The following COG5 variants were observed in gnomAD, a reference collection of about 807,000 sequenced individuals.
The protein encoded by COG5 is component of oligomeric golgi complex 5.
COG5 carries 86 observed loss-of-function variants against 110.4 expected under a neutral mutation model. The ratio of observed to expected loss-of-function variants is 0.78; its 90% CI spans 0.65 to 0.93. The LOEUF (loss-of-function observed/expected upper bound fraction) is 0.93, where lower values mean the gene tolerates loss of function less well. Among genes scored for constraint, COG5 ranks in the 40% least tolerant of loss-of-function variants. The pLI is 0.00. For synonymous variants in COG5, 360 were observed against 334.6 expected (o/e 1.08, Z -0.83); for missense variants, 1,077 against 987.0 (o/e 1.09, Z -1.22).
chr7:107,278,728 A>G (rs1804909246), intron 14 of COG5, among the ~76,000 whole-genome samples: 1 of 152,204 alleles, frequency 6.6e-6, no homozygotes, highest in African/African-American at 2.4e-5. Flanking sequence ...AAAACTGGCT[A>G]ACCATATGCA....
At chr7:107,257,539 GA>G (rs1802977383) in intron 15 of COG5, among the ~76,000 whole-genome samples, 1 of 151,946 alleles carries the variant, frequency 6.6e-6, no homozygotes, top group African/African-American at 2.4e-5. Flanking sequence ...AAGTTTTCAA[GA>G]ACATCATTTA....
At chr7:107,555,508 G>GT (rs1384839850) in intron 2 of COG5, among the ~76,000 whole-genome samples, 1 of 152,076 alleles carries the variant, frequency 6.6e-6, no homozygotes, top group Admixed American at 6.5e-5. Context: ...TCTTTTATTC[G>GT]TAAGGTTGCC....
intron 8 of COG5, among the ~76,000 whole-genome samples, chr7:107,371,783 G>A (rs1265373923): frequency 2.6e-5 from 4 of 152,122 alleles, no homozygotes; most frequent in African/African-American, 7.2e-5. Context: ...TGTCAACCTG[G>A]TAGAAAGAAG....
Position 107,390,288 on chromosome 7 carries a change from C to A in COG5, c.670-17528G>T, listed in dbSNP as rs187121341. ...TGTGGCATCTATTACTGAATCAGTACAAACAGCTGCTTTTGTAGGTAATCT... is the reference window on the plus strand; with the variant it reads ...TGTGGCATCTATTACTGAATCAGTAAAAACAGCTGCTTTTGTAGGTAATCT... On this transcript the variant is annotated intron_variant, in intron 7 of 21. Coordinates refer to ENST00000297135, the MANE Select transcript of COG5 (RefSeq NM_006348.5). Among the ~76,000 whole-genome samples the A allele has an allele frequency of 2.0e-3, 300 of 152,220 alleles. 2 individuals are homozygous for A. Among genetic ancestry groups the A allele is most frequent in the African/African-American group, 6.8e-3 (283 of 41,542 alleles).
chr7:107,327,548 A>G (rs1687640121), intron 10 of COG5, among the ~76,000 whole-genome samples: 1 of 152,200 alleles, frequency 6.6e-6, no homozygotes, highest in Non-Finnish European at 1.5e-5. Context: ...CATATATCTA[A>G]TAAGGAGTTA....
rs570439561 is a variant in COG5, at chr7:107,349,741, T to C, written c.1026+12292A>G. On this transcript the variant is annotated intron_variant, in intron 10 of 21. Transcript: ENST00000297135. ...CCCGGCTAATTTTTTGTATTTTCAGTAGACACGGGGGTTTCACTGTGTTAG... is the reference window on the plus strand; with the variant it reads ...CCCGGCTAATTTTTTGTATTTTCAGCAGACACGGGGGTTTCACTGTGTTAG... Among the ~76,000 whole-genome samples, 552 of 152,184 alleles carry C rather than the reference T, an allele frequency of 3.6e-3. 3 individuals carry two copies. The highest frequency in any genetic ancestry group is 6.8e-3 in the Middle Eastern group (2 of 294).
At chr7:107,508,070 C>G (rs1799166991) in intron 6 of COG5, among the ~76,000 whole-genome samples, 1 of 152,260 alleles carries the variant, frequency 6.6e-6, no homozygotes, top group Non-Finnish European at 1.5e-5. Context: ...CGAGCCGAAG[C>G]AGGGCGAGGC....
intron 6 of COG5, among the ~76,000 whole-genome samples, chr7:107,498,971 A>C (rs926789501): frequency 6.6e-6 from 1 of 152,200 alleles, no homozygotes; most frequent in Non-Finnish European, 1.5e-5. Context: ...CGACTTAAAC[A>C]AGAAAGAAAT....
In COG5 at chr7:107,558,051, A is replaced by T. The variant is rs368148545; in HGVS notation, c.159T>A (p.His53Gln). The change falls in exon 2 of 22, where the codon CAT becomes CAA. Residue 53 changes from histidine (H) to glutamine (Q), a missense_variant. Physicochemically the swap from His to Gln is conservative, Grantham distance 24. Transcript: ENST00000297135. Reference sequence around the variant, plus strand: ...CTAGTTGTTCAGCAATTACAGCTTGATGAATAGATTGAGAAGTATAAGTCT... The same window carrying T: ...CTAGTTGTTCAGCAATTACAGCTTGTTGAATAGATTGAGAAGTATAAGTCT... ...DVKTYTSQSI[H>Q]QAVIAEQLAK... 1 of 1,613,884 alleles carries T rather than the reference A, an allele frequency of 6.2e-7. No homozygotes were observed. The highest frequency in any genetic ancestry group is 1.6e-4 in the Middle Eastern group (1 of 6,062).
rs536813809 is a variant in COG5, at chr7:107,412,385, T to C, written c.669+117A>G. On this transcript the variant is annotated intron_variant, in intron 7 of 21. Coordinates refer to ENST00000297135, the MANE Select transcript of COG5 (RefSeq NM_006348.5). ...CATTCTTTGATTTAAATTGTAGACATACTTTCTCAGTGATATATTACTATA... is the reference window on the plus strand; with the variant it reads ...CATTCTTTGATTTAAATTGTAGACACACTTTCTCAGTGATATATTACTATA... 4.4e-5 allele frequency: 40 copies of C among 911,556 alleles called. No individual in the cohort carries two copies. The African/African-American group carries it at 5.9e-4, about 13-fold the overall frequency. The allele number at this position is 911,556 out of a possible 1,614,324, so 56.5% of individuals were successfully genotyped here.
rs1554464495 is a variant in COG5 at position 107,558,113 on chromosome 7, AC to A, written c.96del (p.Cys33ValfsTer6). ...TCTTCGTTTAAAAAGTCACTATAAC[AC>A]CCTGGATTGGGGAAAAAATAAGGAA... ...AATVRELLQD[G>X]CYSDFLNEDF... On this transcript the variant is annotated frameshift_variant and splice_region_variant, in exon 2 of 22. Transcript: ENST00000297135. LOFTEE classifies it high-confidence loss of function. The A allele has an allele frequency of 3.1e-6, 5 of 1,613,458 alleles. No homozygotes were observed. Among genetic ancestry groups the A allele is most frequent in the Admixed American group, 1.7e-5 (1 of 59,986 alleles).
At chr7:107,450,938 G>A (rs1026727531) in intron 6 of COG5, among the ~76,000 whole-genome samples, 1 of 152,078 alleles carries the variant, frequency 6.6e-6, no homozygotes, top group Non-Finnish European at 1.5e-5. Context: ...GACTACTTGC[G>A]CCAACCACAA....
chr7:107,480,493 G>A (rs543722114), intron 6 of COG5, among the ~76,000 whole-genome samples: 2 of 152,098 alleles, frequency 1.3e-5, no homozygotes, highest in South Asian at 2.1e-4. Context: ...AGATCATATC[G>A]TAAAAGAGAA....
chr7:107,387,476 C>G (rs763209945), intron 7 of COG5, among the ~76,000 whole-genome samples: 28 of 152,398 alleles, frequency 1.8e-4, no homozygotes, highest in Non-Finnish European at 3.2e-4. Context: ...TCCTTGTATA[C>G]AAGCAACATC....
chr7:107,295,203 CTTGGA>C (rs1387923463), intron 12 of COG5, among the ~76,000 whole-genome samples: 1 of 145,038 alleles, frequency 6.9e-6, no homozygotes, highest in Non-Finnish European at 1.5e-5. Flanking sequence ...TCCCAAAGTG[CTTGGA>C]TTATAGGCGT....
intron 11 of COG5, among the ~76,000 whole-genome samples, chr7:107,307,490 A>G (rs1030424069): frequency 1.3e-5 from 2 of 152,048 alleles, no homozygotes; most frequent in Non-Finnish European, 2.9e-5. Flanking sequence ...GCATTTGTCA[A>G]CTCTTGTTTT....
intron 6 of COG5, among the ~76,000 whole-genome samples, chr7:107,510,036 T>C (rs1799377853): frequency 6.6e-6 from 1 of 151,996 alleles, no homozygotes; most frequent in Admixed American, 6.6e-5. Flanking sequence ...CAAGACCAAA[T>C]ACACACATAA....
chr7:107,238,554 T>C (rs1249681064), intron 17 of COG5, among the ~76,000 whole-genome samples: 4 of 152,230 alleles, frequency 2.6e-5, no homozygotes, highest in Non-Finnish European at 5.9e-5. Context: ...GTTCTGTTTT[T>C]AGTTTTTTGA....
intron 3 of COG5, 129 bp downstream of exon 3, chr7:107,554,156 G>GT (rs1803124611): frequency 1.3e-6 from 1 of 751,782 alleles, no homozygotes; most frequent in Admixed American, 2.0e-5. Context: ...CAATGGCAGA[G>GT]TTTAGTAGTT....
Sources: gnomAD v4.1 joint callset for allele counts (sites outside exome capture counted in the v4.1 genomes callset) on GRCh38, gnomAD v4.1.1 for gene constraint, MANE v1.5 for transcripts, NCBI Gene and HGNC (gene_info 2026-07-23, HGNC 2026-07-21) for gene names.